Variants in WDR35 observed in about 807,000 individuals in gnomAD.
The protein encoded by WDR35 is WD repeat domain 35, also known as WD repeat-containing protein 35.
In WDR35, 118 loss-of-function variants were observed where a neutral mutation model predicts 158.3. That is an observed-to-expected ratio of 0.75 (90% CI 0.64 to 0.87). The LOEUF (loss-of-function observed/expected upper bound fraction) is 0.87, where lower values mean the gene tolerates loss of function less well. Among genes scored for constraint, WDR35 ranks in the 40% least tolerant of loss-of-function variants. WDR35 has a pLI of 0.00. For synonymous variants in WDR35, 448 were observed against 476.1 expected, an observed-to-expected ratio of 0.94 and a Z score of 0.77; for missense variants, 1,263 against 1,405.8, an observed-to-expected ratio of 0.90 and a Z score of 1.62.
intron 2 of WDR35, among the ~76,000 whole-genome samples, chr2:19,986,071 G>A (rs773960661): frequency 1.3e-5 from 2 of 152,248 alleles, no homozygotes; most frequent in African/African-American, 2.4e-5. Flanking sequence ...GAAAGGATGG[G>A]TTCAACATAC....
chr2:19,970,049 G>A (rs188824130), intron 8 of WDR35, among the ~76,000 whole-genome samples: 28 of 152,116 alleles, frequency 1.8e-4, no homozygotes, highest in African/African-American at 6.0e-4. Flanking sequence ...ACCCAGCCAC[G>A]TTTCTTGAAT....
At position 19,913,367 on chromosome 2, in the gene WDR35, C is replaced by A; in HGVS notation, c.*191G>T. On this transcript the variant is annotated 3_prime_UTR_variant, in exon 27 of 27. Coordinates refer to ENST00000281405, the MANE Select transcript of WDR35 (RefSeq NM_020779.4). ...TTTCATACATTTATATGAAAATCGGCCTTATTATTTCACAGTTGTATTGCC... is the reference window on the plus strand; with the variant it reads ...TTTCATACATTTATATGAAAATCGGACTTATTATTTCACAGTTGTATTGCC... 1.8e-6 allele frequency: 1 copy of A among 554,090 alleles called. No individual in the cohort carries two copies. The allele number at this position is 554,090 out of a possible 1,614,324, so 34.3% of individuals were successfully genotyped here.
At chr2:19,987,051 C>T (rs76312945) in intron 2 of WDR35, among the ~76,000 whole-genome samples, 12,901 of 152,124 alleles carry the variant, frequency 0.085, 638 homozygotes, top group East Asian at 0.23. Flanking sequence ...TATATTAATA[C>T]CAATATAATG....
chr2:19,933,340 T>C (rs1355872263), intron 22 of WDR35, 61 bp downstream of exon 22: 11 of 1,400,614 alleles, frequency 7.9e-6, no homozygotes, highest in Non-Finnish European at 1.0e-5. Context: ...ACTTTAACCT[T>C]GCTTTGACTT....
chr2:19,963,406 T>C (rs189458213), intron 10 of WDR35, among the ~76,000 whole-genome samples: 12 of 152,326 alleles, frequency 7.9e-5, no homozygotes, highest in Non-Finnish European at 1.5e-4. Flanking sequence ...TATGGGCTTA[T>C]TACTAACACA....
intron 3 of WDR35, among the ~76,000 whole-genome samples, chr2:19,981,992 T>C (rs1489580294): frequency 6.6e-6 from 1 of 152,260 alleles, no homozygotes; most frequent in Non-Finnish European, 1.5e-5. Context: ...GTATTACTTA[T>C]GTCTCAACAG....
intron 25 of WDR35, among the ~76,000 whole-genome samples, chr2:19,930,172 TTC>T (rs1265041959): frequency 6.6e-6 from 1 of 151,976 alleles, no homozygotes; most frequent in Non-Finnish European, 1.5e-5. Flanking sequence ...GCTATACACA[TTC>T]TTTTTGCTTA....
At chr2:19,973,846 G>A (rs565849618) in intron 7 of WDR35, 138 bp from the exon 8 acceptor site, 37 of 1,229,142 alleles carry the variant, frequency 3.0e-5, no homozygotes, top group South Asian at 2.7e-5. Flanking sequence ...AACGGCTCAC[G>A]CCTATAATCC....
intron 2 of WDR35, among the ~76,000 whole-genome samples, chr2:19,987,897 T>G (rs988104248): frequency 2.0e-5 from 3 of 149,832 alleles, no homozygotes; most frequent in Non-Finnish European, 3.0e-5. Context: ...CACATATATA[T>G]ATATACACAC....
At chr2:19,982,670 G>A in intron 2 of WDR35, 136 bp from the exon 3 acceptor site, 3 of 911,284 alleles carry the variant, frequency 3.3e-6, no homozygotes, top group Admixed American at 5.2e-5. Flanking sequence ...TTTTCTCATG[G>A]TATAAACATG....
intron 10 of WDR35, among the ~76,000 whole-genome samples, chr2:19,964,437 G>A (rs1671776885): frequency 7.5e-6 from 1 of 134,148 alleles, no homozygotes; most frequent in South Asian, 2.4e-4. Flanking sequence ...AGGCTGGAGT[G>A]CAGTGGCGTG....
chr2:19,948,979 C>G (rs779028416), intron 13 of WDR35, among the ~76,000 whole-genome samples: 16 of 151,724 alleles, frequency 1.1e-4, no homozygotes, highest in South Asian at 2.1e-4. Context: ...CTAGATAAAC[C>G]TACACACGCA....
At chr2:19,940,994 G>T (rs1413658769) in intron 17 of WDR35, among the ~76,000 whole-genome samples, 1 of 152,078 alleles carries the variant, frequency 6.6e-6, no homozygotes, top group Non-Finnish European at 1.5e-5. Flanking sequence ...AATGAAACTG[G>T]CTCACAATAA....
chr2:19,936,450 G>A, intron 19 of WDR35, 85 bp from the exon 20 acceptor site: 1 of 1,589,484 alleles, frequency 6.3e-7, no homozygotes, highest in Non-Finnish European at 8.6e-7. Flanking sequence ...ACAGTTCTAG[G>A]TGCTGAGGCT....
rs1476314961 is a variant in WDR35, at chr2:19,914,261, G to C, written c.3138C>G (p.Asp1046Glu). The C allele has an allele frequency of 6.8e-6, 11 of 1,614,038 alleles. No homozygotes were observed. In the African/African-American group the frequency reaches 1.2e-4, roughly 18 times the overall value. ...TALKTALHLK[D>E]YEDIIPPVEI... The stretch of plus-strand genomic sequence containing the variant: ...CCACAGGAGGGATGATGTCTTCATA[G>C]TCTTTCAGGTGAAGAGCTAAGAAAA... Residue 1046 changes from aspartate (D) to glutamate (E), a missense_variant, in exon 26 of 27, where the codon GAC becomes GAG. Coordinates refer to ENST00000281405, the MANE Select transcript of WDR35 (RefSeq NM_020779.4).
At chr2:19,970,029 G>A (rs1671989578) in intron 8 of WDR35, among the ~76,000 whole-genome samples, 3 of 152,218 alleles carry the variant, frequency 2.0e-5, no homozygotes, top group African/African-American at 7.2e-5. Context: ...TTACAGGCGT[G>A]AGCCACCGCA....
intron 8 of WDR35, among the ~76,000 whole-genome samples, chr2:19,971,662 C>T (rs1163262858): frequency 6.6e-6 from 1 of 152,146 alleles, no homozygotes; most frequent in Non-Finnish European, 1.5e-5. Flanking sequence ...AAAGTTTTAA[C>T]CTAGGAGGGT....
Position 19,938,343 on chromosome 2 carries a change from T to C in WDR35, c.1985A>G (p.Asp662Gly). 6.2e-7 allele frequency: 1 copy of C among 1,614,080 alleles called. No individual in the cohort carries two copies. Among genetic ancestry groups the C allele is most frequent in the Non-Finnish European group, 8.5e-7 (1 of 1,180,008 alleles). The change falls in exon 18 of 27, where the codon GAT becomes GGT. Residue 662 changes from aspartate to glycine, a missense_variant. Asp to Gly is a moderately conservative substitution (Grantham distance 94, BLOSUM62 -1). Coordinates refer to ENST00000281405, the MANE Select transcript of WDR35 (RefSeq NM_020779.4). ...LINFEIRSLR[D>G]SRALIEKVGI... The stretch of plus-strand genomic sequence containing the variant: ...AACCTTCTCAATCAGTGCTCGGCTA[T>C]CTCGCAGAGACCGAATCTCAAAGTT...
rs1671023207 is a variant in WDR35, at chr2:19,945,728, A to G, written c.1845+58T>C. The G allele has an allele frequency of 1.9e-6, 3 of 1,589,346 alleles. No individual in the cohort carries two copies. The Admixed American group carries it at 5.0e-5, about 27-fold the overall frequency. On this transcript the variant is annotated intron_variant, in intron 16 of 26. Transcript: ENST00000281405. ...TTAAAGAAACAAAGGGGAATCATCC[A>G]GGTTTTTATATTTGGCTCATTATTT...
Sources: allele counts gnomAD v4.1 joint callset (sites outside exome capture counted in the v4.1 genomes callset), GRCh38; gene constraint gnomAD v4.1.1; transcripts MANE v1.5; gene names NCBI Gene and HGNC (gene_info 2026-07-23, HGNC 2026-07-21).